Variants in BOD1 observed in about 807,000 individuals in gnomAD.
The protein encoded by BOD1 is biorientation of chromosomes in cell division 1.
A neutral mutation model predicts 15.7 loss-of-function variants in BOD1; 11 were observed. The observed-to-expected ratio is 0.70, with a 90% CI of 0.44 to 1.16. The LOEUF is 1.16. Ranked by LOEUF, BOD1 falls within the 50% of genes most tolerant of loss-of-function variation. The probability of loss-of-function intolerance (pLI) is 0.00; values close to 1 mark genes in which losing one functional copy is unlikely to be tolerated. For synonymous variants in BOD1, 105 were observed against 103.5 expected (o/e 1.01, Z -0.09); for missense variants, 182 against 244.5 (o/e 0.74, Z 1.70).
rs1755466345 is a variant in BOD1, at chr5:173,615,346, T to C, written c.237+854A>G. On this transcript the variant is annotated intron_variant, in intron 1 of 3. Transcript: ENST00000311086. ...GTTCAACGAATAAACAGACTACGTT[T>C]TTCCCTATCTTAAGGTCTAATTCTA... is the stretch of plus-strand genomic sequence containing the variant. Among the ~76,000 whole-genome samples, 6 of 152,372 alleles carry C rather than the reference T, an allele frequency of 3.9e-5. No homozygotes were observed. In the South Asian group the frequency reaches 1.0e-3, roughly 26 times the overall value.
intron 2 of BOD1, among the ~76,000 whole-genome samples, chr5:173,610,979 C>G (rs771925522): frequency 6.6e-6 from 1 of 152,196 alleles, no homozygotes; most frequent in Non-Finnish European, 1.5e-5. Context: ...CCTGACCATG[C>G]TGGCATCTTG....
chr5:173,608,379 A>T lies in BOD1; in HGVS notation c.*2-87T>A, dbSNP rs1755261502. On this transcript the variant is annotated intron_variant, in intron 3 of 3. Coordinates refer to ENST00000311086, the MANE Select transcript of BOD1 (RefSeq NM_138369.3). ...TATGTTCCTAAAGGAATTTACAATT[A>T]AAAAGAAAGACTTAAAATGAATGTT... 2.3e-5 allele frequency: 24 copies of T among 1,049,014 alleles called. 1 individual carries two copies. The South Asian group carries it at 2.9e-4, about 13-fold the overall frequency. The allele number at this position is 1,049,014 out of a possible 1,614,324, so 65.0% of individuals were successfully genotyped here. A position where few individuals can be genotyped will look rare whatever the true frequency, so the allele number is the denominator to read the frequency against.
rs371818907 is a variant in BOD1 at position 173,616,178 on chromosome 5, A to G, written c.237+22T>C. Reference sequence around the variant, plus strand: ...GCCTCACGTGCAGCCCCGCTCCCCAACGCCCAGGCGGCCGCAGCTACCTTG... The same window carrying G: ...GCCTCACGTGCAGCCCCGCTCCCCAGCGCCCAGGCGGCCGCAGCTACCTTG... On this transcript the variant is annotated intron_variant, in intron 1 of 3. Coordinates refer to ENST00000311086, the MANE Select transcript of BOD1 (RefSeq NM_138369.3). 104 of 1,567,812 alleles carry G rather than the reference A, an allele frequency of 6.6e-5. 1 individual carries two copies. The African/African-American group carries it at 1.2e-3, about 18-fold the overall frequency.
In BOD1 at chr5:173,608,199, G is replaced by A. The variant is rs969814688; in HGVS notation, c.*95C>T. Reference sequence around the variant, plus strand: ...AGGTTGAAATCTTGAGATCAGTGACGACCTTGGCCTATCTTCAGTCTGAAG... The same window carrying A: ...AGGTTGAAATCTTGAGATCAGTGACAACCTTGGCCTATCTTCAGTCTGAAG... On this transcript the variant is annotated 3_prime_UTR_variant, in exon 4 of 4. Transcript: ENST00000311086. 6.1e-5 allele frequency: 87 copies of A among 1,432,472 alleles called. 2 individuals are homozygous for A. In the South Asian group the frequency reaches 8.2e-4, roughly 13 times the overall value. 88.7% of individuals were successfully genotyped at this position (1,432,472 alleles called of 1,614,324 possible).
At chr5:173,615,461 G>C (rs1755469306) in intron 1 of BOD1, among the ~76,000 whole-genome samples, 1 of 152,176 alleles carries the variant, frequency 6.6e-6, no homozygotes, top group South Asian at 2.1e-4. Context: ...CCAGTGACAG[G>C]GTCTCCTAAC....
chr5:173,612,982 A>T, intron 2 of BOD1, 149 bp downstream of exon 2: 1 of 1,096,198 alleles, frequency 9.1e-7, no homozygotes. Flanking sequence ...CTTTAACCTT[A>T]ATTATAACAA....
chr5:173,608,752 C>T (rs77555147), intron 3 of BOD1, among the ~76,000 whole-genome samples: 2,331 of 152,256 alleles, frequency 0.015, 64 homozygotes, highest in African/African-American at 0.054. Context: ...GTGTTCCTAA[C>T]AGAAGAATCC....
chr5:173,610,390 T>G (rs1032026306), intron 2 of BOD1, among the ~76,000 whole-genome samples: 7 of 152,178 alleles, frequency 4.6e-5, no homozygotes, highest in Non-Finnish European at 5.9e-5. Flanking sequence ...ATGTACATCA[T>G]GACAAAGAAG....
intron 3 of BOD1, 75 bp downstream of exon 3, chr5:173,609,163 T>C (rs1200017231): frequency 2.8e-6 from 4 of 1,452,574 alleles, no homozygotes; most frequent in Non-Finnish European, 3.7e-6. Context: ...AATTACGGCC[T>C]ACCCCATTCC....
At chr5:173,611,912 T>C (rs1351503691) in intron 2 of BOD1, among the ~76,000 whole-genome samples, 1 of 152,242 alleles carries the variant, frequency 6.6e-6, no homozygotes. Context: ...CAAGACAGGG[T>C]AAACACAAGT....
Position 173,616,482 on chromosome 5 carries a change from C to CCAGGA in BOD1, c.-51_-47dup, listed in dbSNP as rs746550738. On this transcript the variant is annotated 5_prime_UTR_variant, in exon 1 of 4. Coordinates refer to ENST00000311086, the MANE Select transcript of BOD1 (RefSeq NM_138369.3). ...AGGGAGAACGACTATAGCTTCTTCTCCAGGACAGAAGGCCTAGAACGTGTA... is the reference window on the plus strand; with the variant it reads ...AGGGAGAACGACTATAGCTTCTTCTCCAGGACAGGACAGAAGGCCTAGAACGTGTA... 6.4e-7 allele frequency: 1 copy of CCAGGA among 1,553,802 alleles called. No homozygotes were observed. The highest frequency in any genetic ancestry group is 2.5e-5 in the East Asian group (1 of 40,240).
At chr5:173,611,766 T>C (rs1755362091) in intron 2 of BOD1, among the ~76,000 whole-genome samples, 1 of 152,130 alleles carries the variant, frequency 6.6e-6, no homozygotes, top group African/African-American at 2.4e-5. Flanking sequence ...ACTAAAGAAA[T>C]GCAAGAGGAA....
intron 2 of BOD1, among the ~76,000 whole-genome samples, chr5:173,610,867 C>A (rs13189069): frequency 0.044 from 6,632 of 152,178 alleles, 170 homozygotes; most frequent in Middle Eastern, 0.088. Context: ...CAATTTATGC[C>A]CTTACAAAAG....
chr5:173,610,544 C>T (rs1273735636), intron 2 of BOD1, among the ~76,000 whole-genome samples: 2 of 152,142 alleles, frequency 1.3e-5, no homozygotes, highest in South Asian at 4.1e-4. Context: ...TTCAGGTAGA[C>T]CAGGCATTAG....
rs1330483370 is a variant in BOD1 at position 173,609,154 on chromosome 5, A to G, written c.*1+84T>C. The G allele has an allele frequency of 2.2e-6, 3 of 1,361,836 alleles. No individual in the cohort carries two copies. The East Asian group carries it at 6.9e-5, about 31-fold the overall frequency. 84.4% of individuals were successfully genotyped at this position (1,361,836 alleles called of 1,614,324 possible). A position where few individuals can be genotyped will look rare whatever the true frequency, so the allele number is the denominator to read the frequency against. ...GTAAATACTTCCTGAATGATCCTCA[A>G]TTACGGCCTACCCCATTCCTATCCA... is the stretch of plus-strand genomic sequence containing the variant. On this transcript the variant is annotated intron_variant, in intron 3 of 3. Coordinates refer to ENST00000311086, the MANE Select transcript of BOD1 (RefSeq NM_138369.3).
At position 173,608,356 on chromosome 5, in the gene BOD1, T is replaced by C. The variant is rs1755260741; in HGVS notation, c.*2-64A>G. 1.3e-5 allele frequency: 16 copies of C among 1,264,064 alleles called. No homozygotes were observed. The Admixed American group carries it at 2.2e-4, about 17-fold the overall frequency. The allele number at this position is 1,264,064 out of a possible 1,614,324, so 78.3% of individuals were successfully genotyped here. On this transcript the variant is annotated intron_variant, in intron 3 of 3. Transcript: ENST00000311086. Reference sequence around the variant, plus strand: ...TGATAACAGACTATATTCACTTTTATGTTCCTAAAGGAATTTACAATTAAA... The same window carrying C: ...TGATAACAGACTATATTCACTTTTACGTTCCTAAAGGAATTTACAATTAAA...
Position 173,607,896 on chromosome 5 carries a change from C to T in BOD1, c.*398G>A. The T allele has an allele frequency of 4.8e-6, 1 of 206,834 alleles. No homozygotes were observed. Among genetic ancestry groups the T allele is most frequent in the Non-Finnish European group, 9.8e-6 (1 of 102,288 alleles). 12.8% of individuals were successfully genotyped at this position (206,834 alleles called of 1,614,324 possible). ...CCAGCTAATCTTTACTGTCATTTTT[C>T]TTTGAAATTGTCTTTGGGACTGGCT... is the stretch of plus-strand genomic sequence containing the variant. On this transcript the variant is annotated 3_prime_UTR_variant, in exon 4 of 4. Transcript: ENST00000311086.
intron 1 of BOD1, among the ~76,000 whole-genome samples, chr5:173,615,434 C>G (rs1755468261): frequency 6.6e-6 from 1 of 152,214 alleles, no homozygotes; most frequent in African/African-American, 2.4e-5. Context: ...TAGGAGAAAT[C>G]ACTACCCTGC....
intron 3 of BOD1, 58 bp downstream of exon 3, chr5:173,609,180 T>C (rs1755280137): frequency 2.0e-6 from 3 of 1,463,442 alleles, no homozygotes; most frequent in Non-Finnish European, 2.7e-6. Context: ...TTCCTATCCA[T>C]TTTACATATC....
Sources: gnomAD v4.1 joint callset for allele counts (sites outside exome capture counted in the v4.1 genomes callset) on GRCh38, gnomAD v4.1.1 for gene constraint, MANE v1.5 for transcripts, NCBI Gene and HGNC (gene_info 2026-07-23, HGNC 2026-07-21) for gene names.